ASTN1: variants seen among roughly 807,000 people sequenced by gnomAD.
ASTN1 encodes the protein astrotactin-1.
Under a neutral mutation model 140.7 loss-of-function variants are expected in ASTN1, and 41 were observed. That is an observed-to-expected ratio of 0.29 (90% CI 0.23 to 0.38). The LOEUF (loss-of-function observed/expected upper bound fraction) is 0.38, where lower values mean the gene tolerates loss of function less well. Ranked by LOEUF, ASTN1 falls within the 10% of genes least tolerant of loss-of-function variation. The pLI is 1.00. For missense variants in ASTN1, 1,479 were observed against 1,678.8 expected (o/e 0.88, Z 2.08); for synonymous variants, 640 against 652.2 (o/e 0.98, Z 0.29).
chr1:176,933,021 A>G (rs1173921044), intron 16 of ASTN1, among the ~76,000 whole-genome samples: 1 of 152,226 alleles, frequency 6.6e-6, no homozygotes, highest in Non-Finnish European at 1.5e-5. Context: ...AAGATCCTAA[A>G]GTTTGAAGAG....
intron 8 of ASTN1, among the ~76,000 whole-genome samples, chr1:177,004,466 C>A (rs541908563): frequency 6.6e-6 from 1 of 152,156 alleles, no homozygotes; most frequent in Non-Finnish European, 1.5e-5. Context: ...TTAGAAAAAA[C>A]AATTCTAAAA....
chr1:177,162,666 T>C (rs1207193913), intron 1 of ASTN1, among the ~76,000 whole-genome samples: 1 of 152,200 alleles, frequency 6.6e-6, no homozygotes, highest in Non-Finnish European at 1.5e-5. Context: ...TACCTCTTCA[T>C]GCACAGTAAA....
chr1:176,963,042 G>T (rs1396554089), intron 9 of ASTN1, among the ~76,000 whole-genome samples: 1 of 152,162 alleles, frequency 6.6e-6, no homozygotes, highest in African/African-American at 2.4e-5. Flanking sequence ...AGAGGAAAGG[G>T]TATGAGCAAA....
intron 16 of ASTN1, among the ~76,000 whole-genome samples, chr1:176,904,131 G>C (rs937885327): frequency 6.6e-6 from 1 of 152,198 alleles, no homozygotes; most frequent in Non-Finnish European, 1.5e-5. Context: ...GAAGGACACT[G>C]TTCCAGCCAC....
chr1:176,859,005 A>G (rs1369055961), downstream of ASTN1, among the ~76,000 whole-genome samples: 1 of 152,246 alleles, frequency 6.6e-6, no homozygotes, highest in Non-Finnish European at 1.5e-5. Flanking sequence ...CAGACTTGCA[A>G]TGAAGATTGA....
intron 1 of ASTN1, among the ~76,000 whole-genome samples, chr1:177,128,306 A>C (rs10798499): frequency 0.18 from 26,887 of 152,098 alleles, 3,983 homozygotes; most frequent in African/African-American, 0.41. Flanking sequence ...CATCAGACAG[A>C]CTCTACGCCT....
chr1:177,055,228 T>A (rs1043185802), intron 2 of ASTN1, among the ~76,000 whole-genome samples: 1 of 152,194 alleles, frequency 6.6e-6, no homozygotes, highest in South Asian at 2.1e-4. Flanking sequence ...ACATCTCAGC[T>A]CTCACTTTAC....
At chr1:176,870,340 G>T (rs1483930244) in intron 21 of ASTN1, among the ~76,000 whole-genome samples, 1 of 152,142 alleles carries the variant, frequency 6.6e-6, no homozygotes, top group Non-Finnish European at 1.5e-5. Flanking sequence ...TTGATTCCTG[G>T]TCAAACTTCC....
chr1:177,044,361 T>A, intron 2 of ASTN1, among the ~76,000 whole-genome samples: 1 of 151,396 alleles, frequency 6.6e-6, no homozygotes, highest in African/African-American at 2.4e-5. Flanking sequence ...TTTTTTGAGG[T>A]GAGGATGGGG....
At chr1:176,978,225 ATAAAT>A (rs1454232608) in intron 8 of ASTN1, among the ~76,000 whole-genome samples, 2 of 152,192 alleles carry the variant, frequency 1.3e-5, no homozygotes, top group African/African-American at 4.8e-5. Context: ...GATGGAAAAA[ATAAAT>A]TAAAGCCATA....
chr1:177,127,147 T>A (rs544433766), intron 1 of ASTN1, among the ~76,000 whole-genome samples: 2,391 of 151,680 alleles, frequency 0.016, 21 homozygotes, highest in South Asian at 0.033. Flanking sequence ...TTATTTTTTT[T>A]TAAAAAAAGA....
intron 16 of ASTN1, among the ~76,000 whole-genome samples, chr1:176,928,542 G>A (rs1236018674): frequency 6.6e-6 from 1 of 152,100 alleles, no homozygotes; most frequent in Admixed American, 6.6e-5. Flanking sequence ...TGAGTGTCAG[G>A]GGAGGCTTGG....
rs1259462237 is a variant in ASTN1 at position 176,862,121 on chromosome 1, A to G, written c.*2163T>C. Reference sequence around the variant, plus strand: ...ATTGGCCTGTCACATCTTCTCTGGCAATGGTGAAATATTTGCCCCTTGAGG... The same window carrying G: ...ATTGGCCTGTCACATCTTCTCTGGCGATGGTGAAATATTTGCCCCTTGAGG... On this transcript the variant is annotated 3_prime_UTR_variant, in exon 23 of 23. Transcript: ENST00000361833. 1.0e-6 allele frequency: 1 copy of G among 985,294 alleles called. No homozygotes were observed. The highest frequency in any genetic ancestry group is 6.2e-5 in the Admixed American group (1 of 16,260). The allele number at this position is 985,294 out of a possible 1,614,324, so 61.0% of individuals were successfully genotyped here.
intron 1 of ASTN1, among the ~76,000 whole-genome samples, 159 bp from the exon 2 acceptor site, chr1:177,061,424 A>G (rs1049289727): frequency 6.6e-6 from 1 of 152,208 alleles, no homozygotes; most frequent in African/African-American, 2.4e-5. Flanking sequence ...ACTCCAAACC[A>G]CAAGGAAGAG....
At chr1:176,965,500 A>T (rs1571577740) in intron 8 of ASTN1, among the ~76,000 whole-genome samples, 2 of 152,356 alleles carry the variant, frequency 1.3e-5, no homozygotes, top group Middle Eastern at 3.4e-3. Context: ...ATAGAGTAAA[A>T]CTATATGAAG....
At chr1:177,106,728 A>C (rs187368090) in intron 1 of ASTN1, among the ~76,000 whole-genome samples, 1 of 152,192 alleles carries the variant, frequency 6.6e-6, no homozygotes, top group Non-Finnish European at 1.5e-5. Flanking sequence ...TCAACAAAGC[A>C]TCATCAGCTT....
At chr1:176,902,624 CA>C (rs1373630224) in intron 16 of ASTN1, among the ~76,000 whole-genome samples, 2 of 152,152 alleles carry the variant, frequency 1.3e-5, no homozygotes, top group Non-Finnish European at 2.9e-5. Context: ...ATTGACTAAA[CA>C]GCCTCCCGTA....
intron 16 of ASTN1, among the ~76,000 whole-genome samples, chr1:176,922,636 T>G (rs1670785811): frequency 6.6e-6 from 1 of 151,432 alleles, no homozygotes; most frequent in Non-Finnish European, 1.5e-5. Flanking sequence ...CCAATAAAAC[T>G]GTCTACGACA....
chr1:177,022,141 T>C (rs1318221415), intron 7 of ASTN1, among the ~76,000 whole-genome samples: 2 of 152,220 alleles, frequency 1.3e-5, no homozygotes, highest in Non-Finnish European at 2.9e-5. Context: ...CAGAGGGATC[T>C]AGTCATAGAT....
Sources: allele counts gnomAD v4.1 joint callset (sites outside exome capture counted in the v4.1 genomes callset), GRCh38; gene constraint gnomAD v4.1.1; transcripts MANE v1.5; gene names NCBI Gene and HGNC (gene_info 2026-07-23, HGNC 2026-07-21).